FOCAD: variants seen among roughly 807,000 people sequenced by gnomAD.
FOCAD encodes the protein focadhesin.
In FOCAD, 198 loss-of-function variants were observed where a neutral mutation model predicts 225.6. That is an observed-to-expected ratio of 0.88 (90% CI 0.78 to 0.99). The LOEUF is 0.99. Ranked by LOEUF, FOCAD falls within the 50% of genes least tolerant of loss-of-function variation. FOCAD has a pLI of 0.00. For missense variants in FOCAD, 2,713 were observed against 2,123.6 expected (o/e 1.28, Z -5.46); for synonymous variants, 897 against 755.0 (o/e 1.19, Z -3.08).
intron 1 of FOCAD, among the ~76,000 whole-genome samples, chr9:20,705,930 T>G (rs1381893107): frequency 1.1e-4 from 6 of 53,262 alleles, no homozygotes; most frequent in East Asian, 3.5e-4. Flanking sequence ...TTAAGTTTTT[T>G]TTTTTTTTTT....
chr9:20,754,925 A>T (rs1013800545), intron 5 of FOCAD, among the ~76,000 whole-genome samples: 1 of 152,210 alleles, frequency 6.6e-6, no homozygotes, highest in Non-Finnish European at 1.5e-5. Context: ...GGCTTTATGG[A>T]TTATTTTATA....
At position 20,674,087 on chromosome 9, in the gene FOCAD, A is replaced by G. The variant is rs78577851; in HGVS notation, c.-78+15261A>G. 1.2e-4 allele frequency among the ~76,000 whole-genome samples: 19 copies of G among 152,312 alleles called. 2 individuals are homozygous for G. In the East Asian group the frequency reaches 2.9e-3, roughly 23 times the overall value. ...TTGCAGTCAGTTTGTCACAAGAGCC[A>G]ATTGTTAAATTTCAGGAACTTTGCA... On this transcript the variant is annotated intron_variant, in intron 2 of 45. Coordinates refer to the FOCAD transcript ENST00000380249.
intron 21 of FOCAD, among the ~76,000 whole-genome samples, 154 bp from the exon 22 acceptor site, chr9:20,906,996 A>G (rs184303075): frequency 6.6e-6 from 1 of 152,132 alleles, no homozygotes; most frequent in Non-Finnish European, 1.5e-5. Flanking sequence ...GGAATATCCA[A>G]AAGATATTAT....
At chr9:20,749,279 A>G (rs961718108) in intron 5 of FOCAD, among the ~76,000 whole-genome samples, 1 of 152,102 alleles carries the variant, frequency 6.6e-6, no homozygotes, top group Non-Finnish European at 1.5e-5. Flanking sequence ...TGCCTTATAG[A>G]CTCAAAGAAA....
intron 8 of FOCAD, among the ~76,000 whole-genome samples, chr9:20,774,143 C>G (rs977280242): frequency 1.3e-5 from 2 of 152,204 alleles, no homozygotes; most frequent in Non-Finnish European, 2.9e-5. Flanking sequence ...AAACCATTCC[C>G]TGCCCCAGGT....
At chr9:20,782,072 A>G (rs1177718752) in intron 10 of FOCAD, 143 bp downstream of exon 10, 11 of 690,342 alleles carry the variant, frequency 1.6e-5, no homozygotes, top group Non-Finnish European at 2.3e-5. Flanking sequence ...AGATCTCAAC[A>G]TATTCTTCTG....
chr9:20,701,093 A>C (rs1823905588), intron 1 of FOCAD, among the ~76,000 whole-genome samples: 1 of 152,200 alleles, frequency 6.6e-6, no homozygotes, highest in Non-Finnish European at 1.5e-5. Flanking sequence ...TCAGAGCTGG[A>C]AGGGACATTA....
chr9:20,793,540 T>C (rs1244274593), intron 11 of FOCAD, among the ~76,000 whole-genome samples: 1 of 152,184 alleles, frequency 6.6e-6, no homozygotes, highest in East Asian at 1.9e-4. Context: ...TTGTAACTTT[T>C]CAGTTCAACC....
chr9:20,897,504 T>C (rs1207669008), intron 21 of FOCAD, among the ~76,000 whole-genome samples: 3 of 151,754 alleles, frequency 2.0e-5, no homozygotes, highest in Non-Finnish European at 4.4e-5. Context: ...TTGTATGATT[T>C]TTTCTCTTTT....
chr9:20,701,617 C>G (rs1587264775), intron 1 of FOCAD, among the ~76,000 whole-genome samples: 1 of 152,158 alleles, frequency 6.6e-6, no homozygotes, highest in South Asian at 2.1e-4. Flanking sequence ...TTGTTACCTA[C>G]TCATTGAACT....
intron 10 of FOCAD, among the ~76,000 whole-genome samples, chr9:20,786,427 G>C (rs746740695): frequency 2.0e-5 from 3 of 152,276 alleles, no homozygotes; most frequent in Admixed American, 6.5e-5. Flanking sequence ...CTCAGCTCTT[G>C]TCTAGAGTCT....
intron 11 of FOCAD, among the ~76,000 whole-genome samples, chr9:20,812,200 T>G (rs1823153810): frequency 6.6e-6 from 1 of 152,082 alleles, no homozygotes. Flanking sequence ...GCCTCTCACT[T>G]TCATTGGCTG....
rs1164343144 is a variant in FOCAD, at chr9:20,948,521, A to G, written c.3798+128A>G. 5.0e-6 allele frequency: 5 copies of G among 1,001,382 alleles called. No homozygotes were observed. In the African/African-American group the frequency reaches 6.6e-5, roughly 13 times the overall value. 62.0% of individuals were successfully genotyped at this position (1,001,382 alleles called of 1,614,324 possible). On this transcript the variant is annotated intron_variant, in intron 31 of 43. Coordinates refer to ENST00000338382, the MANE Select transcript of FOCAD (RefSeq NM_001375567.1). Reference sequence around the variant, plus strand: ...AAAAGAATAGGCAATTTTAAATGAAAGAGATCACATACTTTTAAATCCCTT... The same window carrying G: ...AAAAGAATAGGCAATTTTAAATGAAGGAGATCACATACTTTTAAATCCCTT...
At chr9:20,688,039 C>A (rs1339437045) in intron 1 of FOCAD, among the ~76,000 whole-genome samples, 2 of 152,096 alleles carry the variant, frequency 1.3e-5, no homozygotes, top group African/African-American at 2.4e-5. Flanking sequence ...GGGACATAGA[C>A]CCTTAATGTG....
At chr9:20,682,445 T>TTGC (rs763211186), upstream of FOCAD, among the ~76,000 whole-genome samples, 58 of 152,308 alleles carry the variant, frequency 3.8e-4, no homozygotes, top group Non-Finnish European at 5.0e-4. Flanking sequence ...GATGCTTCAC[T>TTGC]TGCTGTACTT....
intron 1 of FOCAD, among the ~76,000 whole-genome samples, chr9:20,708,496 T>C (rs1563898644): frequency 1.3e-5 from 2 of 152,176 alleles, no homozygotes; most frequent in Non-Finnish European, 2.9e-5. Context: ...CTGGATGTGG[T>C]GGCTCACACC....
chr9:20,656,038 A>G (rs1294820927), upstream of FOCAD, among the ~76,000 whole-genome samples: 2 of 151,602 alleles, frequency 1.3e-5, no homozygotes, highest in Non-Finnish European at 2.9e-5. Context: ...TTATGTACCC[A>G]GTAGTCATTC....
rs62558291 is a variant in FOCAD, at chr9:20,980,618, C to T, written c.4378-808C>T. ...CTACACTGATCTTTTTAGAAATTTG[C>T]AGAAAACATTGTTCCTCTGTCCCTC... is the stretch of plus-strand genomic sequence containing the variant. On this transcript the variant is annotated intron_variant, in intron 37 of 43. Transcript: ENST00000338382. Among the ~76,000 whole-genome samples the T allele has an allele frequency of 2.4e-3, 360 of 152,276 alleles. 3 individuals carry two copies. The highest frequency in any genetic ancestry group is 2.8e-3 in the Non-Finnish European group (190 of 68,012).
At chr9:20,948,209 C>A in intron 30 of FOCAD, 62 bp from the exon 31 acceptor site, 2 of 1,445,250 alleles carry the variant, frequency 1.4e-6, no homozygotes, top group Non-Finnish European at 1.9e-6. Context: ...TATTTATAAA[C>A]ATTCTAAATC....
Sources: gnomAD v4.1 joint callset for allele counts (sites outside exome capture counted in the v4.1 genomes callset) on GRCh38, gnomAD v4.1.1 for gene constraint, MANE v1.5 for transcripts, NCBI Gene and HGNC (gene_info 2026-07-23, HGNC 2026-07-21) for gene names.